The following SELENOO variants were observed in gnomAD, a reference collection of about 807,000 sequenced individuals.
SELENOO encodes selenoprotein O.
SELENOO carries 74 observed loss-of-function variants against 58.7 expected under a neutral mutation model. That is an observed-to-expected ratio of 1.26 (90% CI 1.04 to 1.53). The LOEUF (loss-of-function observed/expected upper bound fraction) is 1.53, where lower values mean the gene tolerates loss of function less well. Ranked by LOEUF, SELENOO falls within the 40% of genes most tolerant of loss-of-function variation. The pLI, the probability that SELENOO is intolerant of heterozygous loss-of-function variation, is 0.00. For missense variants in SELENOO, 1,149 were observed against 970.0 expected (o/e 1.18, Z -2.45); for synonymous variants, 543 against 453.2 (o/e 1.20, Z -2.52).
chr22:50,210,869 G>A lies in SELENOO; in HGVS notation c.1309G>A (p.Gly437Arg), dbSNP rs368176004. 1.2e-5 allele frequency: 19 copies of A among 1,614,102 alleles called. No homozygotes were observed. Among genetic ancestry groups the A allele is most frequent in the East Asian group, 6.7e-5 (3 of 44,890 alleles). Residue 437 changes from glycine (G) to arginine (R), a missense_variant, in exon 5 of 9, where the codon GGG becomes AGG. Coordinates refer to ENST00000380903, the MANE Select transcript of SELENOO (RefSeq NM_031454.2). ...CGTGCAGGTGGAGCTGGAGGAAGACGGGGCGCTGGTGTCCAAGCTCCTGGA... is the reference window on the plus strand; with the variant it reads ...CGTGCAGGTGGAGCTGGAGGAAGACAGGGCGCTGGTGTCCAAGCTCCTGGA... ...GLVQVELEEDGALVSKLLETM... is the reference protein window; with the variant it reads ...GLVQVELEEDRALVSKLLETM...
At chr22:50,205,434 A>G (rs2147158236) in intron 1 of SELENOO, among the ~76,000 whole-genome samples, 1 of 152,302 alleles carries the variant, frequency 6.6e-6, no homozygotes, top group South Asian at 2.1e-4. Context: ...GTAAGACAAG[A>G]ATTAGCAGAG....
At chr22:50,211,892 A>G (rs1314027675) in intron 5 of SELENOO, among the ~76,000 whole-genome samples, 3 of 152,180 alleles carry the variant, frequency 2.0e-5, no homozygotes, top group Admixed American at 1.3e-4. Context: ...TAGTAGAGAC[A>G]GGGTTTCGCC....
At position 50,217,110 on chromosome 22, in the gene SELENOO, G is replaced by A; in HGVS notation, c.1827G>A (p.Glu609=). 5.6e-6 allele frequency: 9 copies of A among 1,612,990 alleles called. No individual in the cohort carries two copies. Among genetic ancestry groups the A allele is most frequent in the Non-Finnish European group, 7.6e-6 (9 of 1,179,904 alleles). The part of the protein sequence containing the change: ...YIAQNAIEAA[E]RGDFSEVRRV... ...CGCAGAATGCCATCGAGGCTGCCGA[G>A]CGCGGGGACTTCTCAGAGGCAAGCA... The change falls in exon 8 of 9, where the codon GAG becomes GAA. Residue 609 remains glutamate, a synonymous_variant. Coordinates refer to ENST00000380903, the MANE Select transcript of SELENOO (RefSeq NM_031454.2).
chr22:50,202,487 G>A (rs2064309120), intron 1 of SELENOO, among the ~76,000 whole-genome samples: 1 of 151,966 alleles, frequency 6.6e-6, no homozygotes, highest in African/African-American at 2.4e-5. Flanking sequence ...GACAGCACCG[G>A]CCGCCCACTG....
Position 50,215,816 on chromosome 22 carries a change from G to C in SELENOO, c.1451G>C (p.Cys484Ser). 2 of 1,612,658 alleles carry C rather than the reference G, an allele frequency of 1.2e-6. No homozygotes were observed. Among genetic ancestry groups the C allele is most frequent in the Non-Finnish European group, 1.7e-6 (2 of 1,179,242 alleles). ...TTCCTGGCCAGGCTGATGGAGCAGT[G>C]TGCCTCCCTGGAGGAGCTGAGGCTG... ...AEFLARLMEQ[C>S]ASLEELRLAF... The change falls in exon 6 of 9, where the codon TGT becomes TCT. Residue 484 changes from cysteine to serine, a missense_variant. Transcript: ENST00000380903.
chr22:50,207,204 C>A (rs1241791493), intron 2 of SELENOO, among the ~76,000 whole-genome samples: 1 of 151,996 alleles, frequency 6.6e-6, no homozygotes, highest in Non-Finnish European at 1.5e-5. Context: ...CTCAGTGCAA[C>A]CTCCGCCTCC....
At chr22:50,215,288 A>T (rs887602492) in intron 5 of SELENOO, among the ~76,000 whole-genome samples, 2 of 152,068 alleles carry the variant, frequency 1.3e-5, no homozygotes, top group Non-Finnish European at 2.9e-5. Context: ...TCTCAGTATT[A>T]GGCCACTTCA....
At chr22:50,213,711 G>A (rs767830240) in intron 5 of SELENOO, among the ~76,000 whole-genome samples, 12 of 150,792 alleles carry the variant, frequency 8.0e-5, no homozygotes, top group South Asian at 2.1e-4. Context: ...GCAGTGGCGC[G>A]ATCTCAGCTC....
Position 50,215,754 on chromosome 22 carries a change from C to T in SELENOO, c.1389C>T (p.Ser463=). Residue 463 remains serine (S), a synonymous_variant, in exon 6 of 9, where the codon TCC becomes TCT. Coordinates refer to ENST00000380903, the MANE Select transcript of SELENOO (RefSeq NM_031454.2). ...CAAACACCTTCTACTTGCTGAGCTCCTTCCCAGTGGAGCTAGAGTCGCCAG... is the reference window on the plus strand; with the variant it reads ...CAAACACCTTCTACTTGCTGAGCTCTTTCCCAGTGGAGCTAGAGTCGCCAG... ...DFTNTFYLLS[S]FPVELESPGL... The T allele has an allele frequency of 1.2e-6, 2 of 1,610,070 alleles. No individual in the cohort carries two copies. The highest frequency in any genetic ancestry group is 1.7e-6 in the Non-Finnish European group (2 of 1,177,304).
intron 2 of SELENOO, 89 bp from the exon 3 acceptor site, chr22:50,208,447 T>C (rs770751116): frequency 2.5e-6 from 3 of 1,180,186 alleles, no homozygotes; most frequent in Non-Finnish European, 3.5e-6. Flanking sequence ...AAAAAAAAAA[T>C]AGCCACAACA....
intron 1 of SELENOO, among the ~76,000 whole-genome samples, chr22:50,202,856 A>G (rs2064311979): frequency 6.6e-6 from 1 of 152,180 alleles, no homozygotes; most frequent in Admixed American, 6.5e-5. Context: ...GTTCTCCAAG[A>G]TTGAGGCTAA....
Position 50,201,052 on chromosome 22 carries a change from G to C in SELENOO, c.16G>C (p.Ala6Pro). The C allele has an allele frequency of 7.4e-7, 1 of 1,342,716 alleles. No individual in the cohort carries two copies. The allele number at this position is 1,342,716 out of a possible 1,614,324, so 83.2% of individuals were successfully genotyped here. MAVYRAALGASLAAAR... is the reference protein window; with the variant it reads MAVYRPALGASLAAAR... ...GGGGCCGCGGATGGCCGTATACAGG[G>C]CAGCGCTCGGGGCTTCGCTCGCGGC... The change falls in exon 1 of 9, where the codon GCA becomes CCA. Residue 6 changes from alanine (A) to proline (P), a missense_variant. By Grantham distance (27) the Ala-to-Pro change is conservative. Transcript: ENST00000380903.
chr22:50,201,586 TC>T lies in SELENOO; in HGVS notation c.552del (p.Arg185AspfsTer63). 7.7e-7 allele frequency: 1 copy of T among 1,306,838 alleles called. No homozygotes were observed. Among genetic ancestry groups the T allele is most frequent in the South Asian group, 2.0e-5 (1 of 50,576 alleles). The allele number at this position is 1,306,838 out of a possible 1,614,324, so 81.0% of individuals were successfully genotyped here. ...CAAGGGCGCCGGGCCCACGCCCTTC[TC>T]CAGGTGGGCCGGGGCGGGCGAGGGG... ...QLKGAGPTPF[S>X]RQADGRKVLR... is the part of the protein sequence containing the mutation. On this transcript the variant is annotated frameshift_variant, in exon 1 of 9. Coordinates refer to ENST00000380903, the MANE Select transcript of SELENOO (RefSeq NM_031454.2). LOFTEE classifies it high-confidence loss of function.
chr22:50,201,201 GCGCGCC>G lies in SELENOO; in HGVS notation c.167_172del (p.Arg56_Ala57del), dbSNP rs1251863679. ...GGCTGCGCTTCGACAACCGCGCCCT[GCGCGCC>G]CTGCCCGTGGAGGCGCCGCCGCCCG... On this transcript the variant is annotated inframe_deletion, in exon 1 of 9. Coordinates refer to ENST00000380903, the MANE Select transcript of SELENOO (RefSeq NM_031454.2). 4.2e-6 allele frequency: 5 copies of G among 1,197,396 alleles called. No homozygotes were observed. The highest frequency in any genetic ancestry group is 3.9e-5 in the South Asian group (1 of 25,442). The allele number at this position is 1,197,396 out of a possible 1,614,324, so 74.2% of individuals were successfully genotyped here.
rs747644059 is a variant in SELENOO, at chr22:50,217,232, AC to A, written c.1877del (p.Pro626LeufsTer40). ...GCGGCGGGTGCTGAAACTACTGGAG[AC>A]CCCTTACCACTGCGAGGCGGGGGCC... ...EVRRVLKLLETPYHCEAGAAT... is the reference protein window; with the variant it reads ...EVRRVLKLLEXPYHCEAGAAT... On this transcript the variant is annotated frameshift_variant, in exon 9 of 9. Coordinates refer to ENST00000380903, the MANE Select transcript of SELENOO (RefSeq NM_031454.2). LOFTEE classifies it low-confidence loss of function (END_TRUNC). 1.9e-6 allele frequency: 3 copies of A among 1,610,560 alleles called. No individual in the cohort carries two copies. In the East Asian group the frequency reaches 6.7e-5, roughly 36 times the overall value.
At position 50,217,564 on chromosome 22, in the gene SELENOO, C is replaced by G. The variant is rs899602863; in HGVS notation, c.*195C>G. On this transcript the variant is annotated 3_prime_UTR_variant, in exon 9 of 9. Coordinates refer to ENST00000380903, the MANE Select transcript of SELENOO (RefSeq NM_031454.2). ...TCTGAGGCCGGCTCAGCAGTGCAGCCTGGTCCCTGGGGGCTGGACCCAGGC... is the reference window on the plus strand; with the variant it reads ...TCTGAGGCCGGCTCAGCAGTGCAGCGTGGTCCCTGGGGGCTGGACCCAGGC... 18 of 946,864 alleles carry G rather than the reference C, an allele frequency of 1.9e-5. No individual in the cohort carries two copies. Among genetic ancestry groups the G allele is most frequent in the Non-Finnish European group, 2.8e-5 (18 of 643,010 alleles). The allele number at this position is 946,864 out of a possible 1,614,324, so 58.7% of individuals were successfully genotyped here. A position where few individuals can be genotyped will look rare whatever the true frequency, so the allele number is the denominator to read the frequency against.
rs754520030 is a variant in SELENOO, at chr22:50,210,895, G to T, written c.1335G>T (p.Glu445Asp). 5.0e-6 allele frequency: 8 copies of T among 1,613,962 alleles called. No homozygotes were observed. In the African/African-American group the frequency reaches 1.1e-4, roughly 22 times the overall value. ...EDGALVSKLL[E>D]TMHLTGADFT... is the part of the protein sequence containing the mutation. ...GGGCGCTGGTGTCCAAGCTCCTGGA[G>T]ACCATGCATCTGACCGGTGAGTGAC... The change falls in exon 5 of 9, where the codon GAG becomes GAT. Residue 445 changes from glutamate to aspartate, a missense_variant. By Grantham distance (45) the Glu-to-Asp change is conservative. Transcript: ENST00000380903.
At chr22:50,210,410 A>AG (rs2064360930) in intron 4 of SELENOO, 99 bp downstream of exon 4, 2 of 1,485,026 alleles carry the variant, frequency 1.3e-6, no homozygotes, top group Non-Finnish European at 1.8e-6. Context: ...GTGATGCTTG[A>AG]GGGGGAGCCG....
In SELENOO at chr22:50,217,255, G is replaced by T. The variant is rs1386151513; in HGVS notation, c.1896G>T (p.Gly632=). 3 of 1,611,842 alleles carry T rather than the reference G, an allele frequency of 1.9e-6. No individual in the cohort carries two copies. In the East Asian group the frequency reaches 6.7e-5, roughly 36 times the overall value. ...LLETPYHCEA[G]AATDAEATEA... The stretch of plus-strand genomic sequence containing the variant: ...AGACCCCTTACCACTGCGAGGCGGG[G>T]GCCGCCACAGACGCCGAGGCCACGG... Residue 632 remains glycine, a synonymous_variant, in exon 9 of 9, where the codon GGG becomes GGT. Transcript: ENST00000380903.
Sources: allele counts gnomAD v4.1 joint callset (sites outside exome capture counted in the v4.1 genomes callset), GRCh38; gene constraint gnomAD v4.1.1; transcripts MANE v1.5; gene names NCBI Gene and HGNC (gene_info 2026-07-23, HGNC 2026-07-21).